CADPS2: variants seen among roughly 807,000 people sequenced by gnomAD.
The protein encoded by CADPS2 is calcium dependent secretion activator 2.
Under a neutral mutation model 172.5 loss-of-function variants are expected in CADPS2, and 93 were observed. The ratio of observed to expected loss-of-function variants is 0.54; its 90% confidence interval spans 0.46 to 0.64. The LOEUF (loss-of-function observed/expected upper bound fraction) is 0.64. CADPS2 is among the 30% of genes least tolerant of loss of function. The pLI is 0.00. For missense variants in CADPS2, 1,420 were observed against 1,565.9 expected (o/e 0.91, Z 1.57); for synonymous variants, 546 against 555.2 (o/e 0.98, Z 0.23).
At chr7:122,322,610 T>A (rs1163093977) in intron 29 of CADPS2, among the ~76,000 whole-genome samples, 2 of 152,230 alleles carry the variant, frequency 1.3e-5, no homozygotes, top group Non-Finnish European at 2.9e-5. Context: ...GTGGCCACTA[T>A]GGAGAACACA....
chr7:122,810,696 T>C (rs1395578696), intron 1 of CADPS2, among the ~76,000 whole-genome samples: 1 of 152,150 alleles, frequency 6.6e-6, no homozygotes, highest in Non-Finnish European at 1.5e-5. Flanking sequence ...GCTCAAGTGA[T>C]CCTTCTGCCT....
intron 8 of CADPS2, among the ~76,000 whole-genome samples, chr7:122,549,269 AC>A (rs1012658517): frequency 3.9e-5 from 6 of 152,036 alleles, no homozygotes; most frequent in Admixed American, 2.0e-4. Context: ...GGATTGATAA[AC>A]CTAAACAGCT....
At chr7:122,717,281 C>T (rs1295979958) in intron 2 of CADPS2, among the ~76,000 whole-genome samples, 2 of 152,096 alleles carry the variant, frequency 1.3e-5, no homozygotes, top group African/African-American at 2.4e-5. Context: ...GTAAAGTTGA[C>T]AAACATTTAG....
At chr7:122,621,171 G>A (rs2075568073) in intron 5 of CADPS2, among the ~76,000 whole-genome samples, 1 of 152,054 alleles carries the variant, frequency 6.6e-6, no homozygotes, top group South Asian at 2.1e-4. Context: ...CAAAGTGCTG[G>A]GATTACAGGT....
chr7:122,787,978 T>C (rs967747806), intron 1 of CADPS2, among the ~76,000 whole-genome samples: 7 of 152,068 alleles, frequency 4.6e-5, no homozygotes, highest in Admixed American at 1.3e-4. Flanking sequence ...TCCTGACAAA[T>C]AGAACTCAAA....
chr7:122,595,429 T>C (rs1473733016), intron 6 of CADPS2, among the ~76,000 whole-genome samples: 2 of 152,088 alleles, frequency 1.3e-5, no homozygotes, highest in African/African-American at 2.4e-5. Flanking sequence ...TATAAAAATG[T>C]TTTGCTTTAC....
intron 19 of CADPS2, among the ~76,000 whole-genome samples, chr7:122,408,438 T>G (rs1236530315): frequency 6.6e-6 from 1 of 152,180 alleles, no homozygotes; most frequent in African/African-American, 2.4e-5. Context: ...TCATTTATTT[T>G]TTTTGAGACA....
At chr7:122,461,938 T>C (rs936333999) in intron 14 of CADPS2, among the ~76,000 whole-genome samples, 1 of 152,060 alleles carries the variant, frequency 6.6e-6, no homozygotes, top group African/African-American at 2.4e-5. Flanking sequence ...CAGAAGAAAA[T>C]GAATGTCTTC....
chr7:122,404,451 A>C (rs536277945), intron 20 of CADPS2, among the ~76,000 whole-genome samples: 1 of 152,274 alleles, frequency 6.6e-6, no homozygotes, highest in South Asian at 2.1e-4. Context: ...CGCAATAAAC[A>C]TACGTGTGCA....
intron 18 of CADPS2, among the ~76,000 whole-genome samples, chr7:122,415,177 A>G (rs1026989302): frequency 2.0e-5 from 3 of 152,248 alleles, no homozygotes; most frequent in Admixed American, 6.5e-5. Context: ...TTAATTCAAA[A>G]AAGTGAAAAG....
chr7:122,787,081 T>C (rs1467621780), intron 1 of CADPS2, among the ~76,000 whole-genome samples: 1 of 152,134 alleles, frequency 6.6e-6, no homozygotes, highest in Non-Finnish European at 1.5e-5. Context: ...CATTTAAATA[T>C]TATCTAGAGA....
At chr7:122,428,509 C>G (rs1196390378) in intron 17 of CADPS2, among the ~76,000 whole-genome samples, 1 of 149,176 alleles carries the variant, frequency 6.7e-6, no homozygotes, top group African/African-American at 2.5e-5. Context: ...CTGTTGTTGC[C>G]CAGGCTGGAG....
At chr7:122,513,862 C>A (rs1259493084) in intron 8 of CADPS2, among the ~76,000 whole-genome samples, 1 of 152,166 alleles carries the variant, frequency 6.6e-6, no homozygotes, top group Non-Finnish European at 1.5e-5. Flanking sequence ...CTAGCTCCAT[C>A]ATTATGGGAT....
chr7:122,701,781 T>C, intron 2 of CADPS2: 7 of 1,194,278 alleles, frequency 5.9e-6, no homozygotes, highest in Non-Finnish European at 8.3e-6. Flanking sequence ...ATTTATCTAA[T>C]CTTTGTATTT....
At chr7:122,842,347 G>T (rs1451913132) in intron 1 of CADPS2, among the ~76,000 whole-genome samples, 2 of 152,176 alleles carry the variant, frequency 1.3e-5, no homozygotes, top group African/African-American at 4.8e-5. Context: ...GGTACAATGG[G>T]ATAAGCTCAT....
intron 2 of CADPS2, among the ~76,000 whole-genome samples, chr7:122,716,742 T>C (rs913874282): frequency 2.0e-5 from 3 of 152,128 alleles, no homozygotes; most frequent in African/African-American, 7.2e-5. Context: ...CAGCCTCATC[T>C]ACCAGGTAAA....
At chr7:122,497,076 A>G (rs2058793199) in intron 9 of CADPS2, among the ~76,000 whole-genome samples, 1 of 152,052 alleles carries the variant, frequency 6.6e-6, no homozygotes, top group African/African-American at 2.4e-5. Context: ...TGCAGTGAGT[A>G]TTTTAAAAAT....
intron 6 of CADPS2, among the ~76,000 whole-genome samples, chr7:122,612,947 G>A (rs958494729): frequency 6.6e-6 from 1 of 152,064 alleles, no homozygotes; most frequent in Non-Finnish European, 1.5e-5. Context: ...AATAAGGAAA[G>A]AATAGGTTTT....
At chr7:122,463,409 T>C (rs945105687) in intron 14 of CADPS2, among the ~76,000 whole-genome samples, 1 of 152,006 alleles carries the variant, frequency 6.6e-6, no homozygotes, top group East Asian at 1.9e-4. Context: ...AAGCTCCACC[T>C]CCCAGGTTCA....
Sources: allele counts gnomAD v4.1 joint callset (sites outside exome capture counted in the v4.1 genomes callset), GRCh38; gene constraint gnomAD v4.1.1; transcripts MANE v1.5; gene names NCBI Gene and HGNC (gene_info 2026-07-23, HGNC 2026-07-21).